The following HCN1 variants were observed in gnomAD, a reference collection of about 807,000 sequenced individuals.
HCN1 encodes hyperpolarization activated cyclic nucleotide gated potassium channel 1.
HCN1 carries 13 observed loss-of-function variants against 78.9 expected under a neutral mutation model. That is an observed-to-expected ratio of 0.16 (90% CI 0.11 to 0.26). HCN1 has a LOEUF of 0.26. HCN1 is among the 10% of genes least tolerant of loss of function. The pLI is 1.00. For synonymous variants in HCN1, 552 were observed against 455.5 expected (o/e 1.21, Z -2.70); for missense variants, 810 against 1,154.3 (o/e 0.70, Z 4.32).
At chr5:45,315,490 T>C (rs1680971812) in intron 5 of HCN1, among the ~76,000 whole-genome samples, 1 of 151,772 alleles carries the variant, frequency 6.6e-6, no homozygotes. Flanking sequence ...CACCCTAACA[T>C]CACAATTAAA....
At chr5:45,380,153 C>T (rs2112024558) in intron 4 of HCN1, among the ~76,000 whole-genome samples, 1 of 152,156 alleles carries the variant, frequency 6.6e-6, no homozygotes, top group South Asian at 2.1e-4. Context: ...ACAATCAAGA[C>T]ATCAGCAGAT....
rs896088985 is a variant in HCN1 at position 45,690,576 on chromosome 5, A to AT, written c.425+5092dup. Among the ~76,000 whole-genome samples the AT allele has an allele frequency of 2.4e-4, 37 of 151,646 alleles. No homozygotes were observed. In the South Asian group the frequency reaches 5.0e-3, roughly 20 times the overall value. On this transcript the variant is annotated intron_variant, in intron 1 of 7. Transcript: ENST00000303230. ...ATTCCAGGATGCACCAGGAATCCTG[A>AT]TTTTTTTTTCCTGTAAAACTAATGG...
chr5:45,374,338 T>C (rs1747549454), intron 4 of HCN1, among the ~76,000 whole-genome samples: 2 of 138,268 alleles, frequency 1.4e-5, no homozygotes, highest in East Asian at 2.1e-4. Flanking sequence ...ATATACATTA[T>C]ATATATATAA....
intron 6 of HCN1, among the ~76,000 whole-genome samples, chr5:45,300,798 A>G (rs929976278): frequency 6.6e-6 from 1 of 152,074 alleles, no homozygotes; most frequent in Non-Finnish European, 1.5e-5. Flanking sequence ...TCATTCAAAC[A>G]TTAATTCTCT....
chr5:45,310,074 G>A (rs1579799210), intron 5 of HCN1, among the ~76,000 whole-genome samples: 2 of 151,830 alleles, frequency 1.3e-5, no homozygotes, highest in Admixed American at 1.3e-4. Flanking sequence ...AACCCTGGAA[G>A]ATAACCAATA....
At chr5:45,505,949 A>T (rs1385426593) in intron 2 of HCN1, among the ~76,000 whole-genome samples, 3 of 152,136 alleles carry the variant, frequency 2.0e-5, no homozygotes, top group African/African-American at 7.2e-5. Context: ...GACATAATAA[A>T]GGTATCATTA....
At chr5:45,430,248 ATCTCAAAAGTGG>A (rs1015881886) in intron 3 of HCN1, among the ~76,000 whole-genome samples, 1 of 152,150 alleles carries the variant, frequency 6.6e-6, no homozygotes, top group Admixed American at 6.6e-5. Flanking sequence ...TGCTGAGTTG[ATCTCAAAAGTGG>A]TAAGACCATG....
intron 2 of HCN1, among the ~76,000 whole-genome samples, chr5:45,549,181 A>G (rs1398242206): frequency 6.6e-6 from 1 of 152,184 alleles, no homozygotes; most frequent in Non-Finnish European, 1.5e-5. Context: ...AAGAGTCTGC[A>G]TTGCCATGTC....
At chr5:45,507,021 A>G (rs1019996888) in intron 2 of HCN1, among the ~76,000 whole-genome samples, 1 of 152,168 alleles carries the variant, frequency 6.6e-6, no homozygotes, top group African/African-American at 2.4e-5. Context: ...TCACAGGGCC[A>G]TTAGTTGAAA....
chr5:45,345,936 A>T (rs1030246508), intron 5 of HCN1, among the ~76,000 whole-genome samples: 19 of 152,222 alleles, frequency 1.2e-4, no homozygotes, highest in African/African-American at 4.1e-4. Flanking sequence ...CTCGAAAATG[A>T]GTTATTCATA....
chr5:45,669,190 G>T (rs1385524343), intron 1 of HCN1, among the ~76,000 whole-genome samples: 1 of 151,770 alleles, frequency 6.6e-6, no homozygotes, highest in Non-Finnish European at 1.5e-5. Flanking sequence ...CAACTTTAAA[G>T]AAATTTAATA....
intron 6 of HCN1, among the ~76,000 whole-genome samples, chr5:45,274,396 G>A (rs973961172): frequency 3.3e-5 from 5 of 152,116 alleles, no homozygotes; most frequent in African/African-American, 1.2e-4. Context: ...GCCTCTGAAT[G>A]TTGACCTAGT....
chr5:45,293,514 C>A (rs1745422496), intron 6 of HCN1, among the ~76,000 whole-genome samples: 1 of 151,860 alleles, frequency 6.6e-6, no homozygotes, highest in Non-Finnish European at 1.5e-5. Context: ...CAAAACAAAG[C>A]AAAAACCTCT....
chr5:45,422,487 C>T (rs916386415), intron 3 of HCN1, among the ~76,000 whole-genome samples: 29 of 152,130 alleles, frequency 1.9e-4, no homozygotes, highest in African/African-American at 6.5e-4. Flanking sequence ...AACCTAATCA[C>T]CCCTCAAGGG....
rs1744733100 is a variant in HCN1, at chr5:45,261,380, T to C, written c.*541A>G. ...GTGGCCAAGCAAGTAGTGCATTCTT[T>C]AACCTAATTTGAAATTGAAAGCACC... On this transcript the variant is annotated 3_prime_UTR_variant, in exon 8 of 8. Transcript: ENST00000303230. The C allele has an allele frequency of 6.5e-6, 1 of 153,544 alleles. No homozygotes were observed. The highest frequency in any genetic ancestry group is 1.5e-5 in the Non-Finnish European group (1 of 68,930). The allele number at this position is 153,544 out of a possible 1,614,324, so 9.5% of individuals were successfully genotyped here.
chr5:45,435,024 A>G (rs1740536016), intron 3 of HCN1, among the ~76,000 whole-genome samples: 1 of 152,088 alleles, frequency 6.6e-6, no homozygotes. Context: ...GCACAAAGTC[A>G]AAGCTAATTA....
chr5:45,350,709 C>T (rs1205688750), intron 5 of HCN1, among the ~76,000 whole-genome samples: 1 of 151,040 alleles, frequency 6.6e-6, no homozygotes, highest in South Asian at 2.1e-4. Context: ...ACAAAAATCA[C>T]AAGCATTCTT....
intron 2 of HCN1, among the ~76,000 whole-genome samples, chr5:45,478,976 C>G (rs1016197595): frequency 1.3e-5 from 2 of 151,954 alleles, no homozygotes; most frequent in African/African-American, 4.8e-5. Context: ...CAAAAATTAG[C>G]TGGGCAAGGT....
chr5:45,388,115 T>C (rs559427621), intron 4 of HCN1, among the ~76,000 whole-genome samples: 1 of 152,264 alleles, frequency 6.6e-6, no homozygotes, highest in African/African-American at 2.4e-5. Flanking sequence ...ACAGCTACTA[T>C]TGTTTTTCAA....
Sources: allele counts gnomAD v4.1 joint callset (sites outside exome capture counted in the v4.1 genomes callset), GRCh38; gene constraint gnomAD v4.1.1; transcripts MANE v1.5; gene names NCBI Gene and HGNC (gene_info 2026-07-23, HGNC 2026-07-21).